The following CPPED1 variants were observed in gnomAD, a reference collection of about 807,000 sequenced individuals.
The protein encoded by CPPED1 is calcineurin like phosphoesterase domain containing 1, also known as serine/threonine-protein phosphatase CPPED1.
CPPED1 carries 28 observed loss-of-function variants against 28.0 expected under a neutral mutation model. The ratio of observed to expected loss-of-function variants is 1.00; its 90% CI spans 0.74 to 1.37. CPPED1 has a LOEUF of 1.37. Ranked by LOEUF, CPPED1 falls within the 40% of genes most tolerant of loss-of-function variation. CPPED1 has a pLI of 0.00. For synonymous variants in CPPED1, 198 were observed against 180.2 expected, an observed-to-expected ratio of 1.10 and a Z score of -0.79; for missense variants, 504 against 416.5, an observed-to-expected ratio of 1.21 and a Z score of -1.83.
intron 2 of CPPED1, among the ~76,000 whole-genome samples, chr16:12,733,609 C>T (rs1383012439): frequency 4.6e-5 from 7 of 152,006 alleles, no homozygotes; most frequent in Non-Finnish European, 8.8e-5. Flanking sequence ...TGGAAAGACA[C>T]GGGGAAGAAA....
At chr16:12,751,448 C>T (rs2080328118) in intron 2 of CPPED1, among the ~76,000 whole-genome samples, 1 of 152,210 alleles carries the variant, frequency 6.6e-6, no homozygotes. Context: ...GAGTAAAAGT[C>T]ATTGGATAGA....
At chr16:12,784,557 A>AAG (rs929514208) in intron 1 of CPPED1, among the ~76,000 whole-genome samples, 6 of 29,102 alleles carry the variant, frequency 2.1e-4, no homozygotes, top group African/African-American at 7.0e-4. Flanking sequence ...TTTGTCATGA[A>AAG]AAAAAAAAAA....
chr16:12,760,661 C>T (rs1215163981), intron 2 of CPPED1: 2 of 152,192 alleles, frequency 1.3e-5, no homozygotes, highest in Middle Eastern at 3.4e-3. Context: ...TCTCCTGCAT[C>T]GTGTAACAAG....
chr16:12,781,334 T>A lies in CPPED1; in HGVS notation c.140A>T (p.Lys47Met), dbSNP rs1194495900. Residue 47 changes from lysine to methionine, a missense_variant, in exon 2 of 4, where the codon AAG (lysine) becomes ATG (methionine). Physicochemically the swap from Lys to Met is moderately conservative, Grantham distance 95 (BLOSUM62 -1). Transcript: ENST00000381774. ...GTCACAGTCCCCAGTGGACCAGGCC[T>A]TGATCAGCCCAAACTGTGGGTCTGC... is the stretch of plus-strand genomic sequence containing the variant. ...LGADPQFGLI[K>M]AWSTGDCDNG... 1.2e-6 allele frequency: 2 copies of A among 1,614,040 alleles called. No homozygotes were observed. The highest frequency in any genetic ancestry group is 2.2e-5 in the South Asian group (2 of 91,084).
intron 2 of CPPED1, chr16:12,753,790 T>C (rs954531444): frequency 6.6e-6 from 1 of 152,150 alleles, no homozygotes; most frequent in East Asian, 1.9e-4. Flanking sequence ...CCCCCTCTCA[T>C]TTATTTTTTT....
At chr16:12,752,648 ATATAT>A (rs1371306808) in intron 2 of CPPED1, among the ~76,000 whole-genome samples, 4 of 147,268 alleles carry the variant, frequency 2.7e-5, no homozygotes, top group Non-Finnish European at 4.5e-5. Flanking sequence ...GTATATGTTT[ATATAT>A]TATATGATAT....
At chr16:12,693,179 G>A (rs2079972333) in intron 3 of CPPED1, among the ~76,000 whole-genome samples, 1 of 152,184 alleles carries the variant, frequency 6.6e-6, no homozygotes, top group Non-Finnish European at 1.5e-5. Flanking sequence ...CCAGGACAAT[G>A]TCTGGCACCC....
chr16:12,766,294 AAGAGAGAG>A (rs769793209), intron 2 of CPPED1, among the ~76,000 whole-genome samples: 1 of 135,580 alleles, frequency 7.4e-6, no homozygotes, highest in Non-Finnish European at 1.5e-5. Flanking sequence ...GAGAGAGAGA[AAGAGAGAG>A]AGAGAGAGCT....
intron 3 of CPPED1, among the ~76,000 whole-genome samples, chr16:12,685,159 T>C (rs1341643385): frequency 6.6e-6 from 1 of 152,178 alleles, no homozygotes; most frequent in African/African-American, 2.4e-5. Context: ...GGGACAATAA[T>C]AGATCCCTCA....
In CPPED1 at chr16:12,704,931, G is replaced by C. The variant is rs764436302; in HGVS notation, c.408C>G (p.Ala136=). ...TCCGGCAGAACTCCTCGACGGTCTC[G>C]GCCGTGGGGGTGTTGCCAATGTCAT... ...GNHDIGNTPT[A]ETVEEFCRTW... is the part of the protein sequence containing the mutation. Residue 136 remains alanine (A), a synonymous_variant, in exon 3 of 4, where the codon GCC becomes GCG. Coordinates refer to ENST00000381774, the MANE Select transcript of CPPED1 (RefSeq NM_018340.3). 2 of 1,614,138 alleles carry C rather than the reference G, an allele frequency of 1.2e-6. No homozygotes were observed. Among genetic ancestry groups the C allele is most frequent in the Non-Finnish European group, 1.7e-6 (2 of 1,180,036 alleles).
rs1424325859 is a variant in CPPED1 at position 12,665,064 on chromosome 16, T to A, written c.767A>T (p.Tyr256Phe). 8.1e-6 allele frequency: 13 copies of A among 1,609,028 alleles called. No individual in the cohort carries two copies. In the South Asian group the frequency reaches 1.1e-4, roughly 14 times the overall value. ...GHYHRNAGGT[Y>F]QNLDMVVSSA... ...TGACACCACCATGTCGAGGTTCTGG[T>A]AGGTACCCCCGGCATTCCTGTGGTA... The change falls in exon 4 of 4, where the codon TAC becomes TTC. Residue 256 changes from tyrosine to phenylalanine, a missense_variant. Tyr to Phe is a conservative substitution (Grantham distance 22). Coordinates refer to ENST00000381774, the MANE Select transcript of CPPED1 (RefSeq NM_018340.3).
At chr16:12,781,482 T>C in intron 1 of CPPED1, 79 bp from the exon 2 acceptor site, 1 of 1,256,204 alleles carries the variant, frequency 8.0e-7, no homozygotes, top group Non-Finnish European at 1.1e-6. Context: ...CCATGCAAAG[T>C]GGATACACTA....
intron 2 of CPPED1, among the ~76,000 whole-genome samples, chr16:12,744,625 C>G (rs1364207292): frequency 1.3e-5 from 2 of 152,136 alleles, no homozygotes; most frequent in Non-Finnish European, 2.9e-5. Context: ...CAGGAAGGGT[C>G]TGACAGTCTC....
intron 3 of CPPED1, among the ~76,000 whole-genome samples, chr16:12,699,842 A>C (rs1384426764): frequency 1.3e-5 from 2 of 152,222 alleles, no homozygotes; most frequent in East Asian, 3.9e-4. Flanking sequence ...TGCCATCGTC[A>C]CCCCCAATTT....
chr16:12,782,950 G>T (rs1567305615), intron 1 of CPPED1, among the ~76,000 whole-genome samples: 2 of 152,150 alleles, frequency 1.3e-5, no homozygotes, highest in Non-Finnish European at 2.9e-5. Flanking sequence ...TGATGATGCT[G>T]TAATTTCCAA....
At chr16:12,773,828 CCTGA>C (rs1424304614) in intron 2 of CPPED1, among the ~76,000 whole-genome samples, 6 of 152,324 alleles carry the variant, frequency 3.9e-5, no homozygotes, top group African/African-American at 1.4e-4. Flanking sequence ...CACCGCGATT[CCTGA>C]CTCTCAATTT....
intron 2 of CPPED1, among the ~76,000 whole-genome samples, chr16:12,745,108 C>T (rs181851954): frequency 2.0e-5 from 3 of 152,256 alleles, no homozygotes; most frequent in African/African-American, 4.8e-5. Flanking sequence ...CAAACACTCT[C>T]GGAGTATCAG....
At chr16:12,697,583 G>C (rs1377445929) in intron 3 of CPPED1, among the ~76,000 whole-genome samples, 1 of 152,120 alleles carries the variant, frequency 6.6e-6, no homozygotes, top group Non-Finnish European at 1.5e-5. Context: ...CCCTGTAATG[G>C]GAACATTTCT....
chr16:12,747,404 C>T (rs1206931190), intron 2 of CPPED1, among the ~76,000 whole-genome samples: 3 of 150,980 alleles, frequency 2.0e-5, no homozygotes, highest in African/African-American at 7.3e-5. Context: ...TGCATTCCAG[C>T]CTGGACGAAA....
Sources: gnomAD v4.1 joint callset for allele counts (sites outside exome capture counted in the v4.1 genomes callset) on GRCh38, gnomAD v4.1.1 for gene constraint, MANE v1.5 for transcripts, NCBI Gene and HGNC (gene_info 2026-07-23, HGNC 2026-07-21) for gene names.